ADAM15: variants seen among roughly 807,000 people sequenced by gnomAD.
The protein encoded by ADAM15 is disintegrin and metalloproteinase domain-containing protein 15.
Under a neutral mutation model 113.8 loss-of-function variants are expected in ADAM15, and 77 were observed. The ratio of observed to expected loss-of-function variants is 0.68; its 90% confidence interval spans 0.56 to 0.82. The LOEUF (loss-of-function observed/expected upper bound fraction) is 0.82. Among genes scored for constraint, ADAM15 ranks in the 40% least tolerant of loss-of-function variants. The probability of loss-of-function intolerance (pLI) is 0.00; values close to 1 mark genes in which losing one functional copy is unlikely to be tolerated. For synonymous variants in ADAM15, 388 were observed against 454.1 expected (o/e 0.85, Z 1.85); for missense variants, 963 against 1,120.1 (o/e 0.86, Z 2.00).
At position 155,062,327 on chromosome 1, in the gene ADAM15, C is replaced by T; in HGVS notation, c.2507C>T (p.Pro836Leu). The T allele has an allele frequency of 6.5e-7, 1 of 1,538,604 alleles. No individual in the cohort carries two copies. Among genetic ancestry groups the T allele is most frequent in the South Asian group, 1.2e-5 (1 of 81,414 alleles). The change falls in exon 22 of 23, where the codon CCC becomes CTC. Residue 836 changes from proline to leucine, a missense_variant. Physicochemically the swap from Pro to Leu is moderately conservative, Grantham distance 98 (BLOSUM62 -3). Coordinates refer to ENST00000356955, the MANE Select transcript of ADAM15 (RefSeq NM_207197.3). The surrounding 1 kb of genome is among the most constrained non-coding windows in gnomAD (Gnocchi z 7.0). ...PQGRCPSGDL[P>L]GPGAGIPPLV... ...GGCCGGTGCCCATCGGGTGACCTGC[C>T]CGGCCCAGGGGCTGGAATCCCGCCC...
intron 2 of ADAM15, 92 bp downstream of exon 2, chr1:155,052,869 G>C (rs904221541): frequency 2.0e-6 from 3 of 1,488,382 alleles, no homozygotes; most frequent in Non-Finnish European, 2.7e-6. Flanking sequence ...CTGAGGAGCT[G>C]GTGGGTAGAG....
intron 18 of ADAM15, 75 bp from the exon 19 acceptor site, chr1:155,060,688 A>C (rs1428162610): frequency 1.3e-6 from 2 of 1,495,888 alleles, no homozygotes; most frequent in Non-Finnish European, 1.9e-6. Context: ...GGTTAACCCC[A>C]CTCAGGGATG....
At chr1:155,059,496 G>T (rs982352890) in intron 16 of ADAM15, among the ~76,000 whole-genome samples, 1 of 152,280 alleles carries the variant, frequency 6.6e-6, no homozygotes, top group African/African-American at 2.4e-5. Context: ...AGGCCTGCTG[G>T]TGCACACCTA....
chr1:155,057,740 A>G lies in ADAM15; in HGVS notation c.1416+11A>G. 2 of 1,614,070 alleles carry G rather than the reference A, an allele frequency of 1.2e-6. No homozygotes were observed. The highest frequency in any genetic ancestry group is 2.2e-5 in the South Asian group (2 of 91,078). ...TGTCAAAATTGCCAGGTGGGTAGAG[A>G]CTAGACTGGCCACCCGGAGCTCACC... On this transcript the variant is annotated intron_variant, in intron 13 of 22. Coordinates refer to ENST00000356955, the MANE Select transcript of ADAM15 (RefSeq NM_207197.3). The surrounding 1 kb of genome is among the most constrained non-coding windows in gnomAD (Gnocchi z 5.0).
Position 155,059,899 on chromosome 1 carries a change from T to C in ADAM15, c.1996-3T>C. ...TCCTCATTGCTCGCCTTGTACCTCC[T>C]AGGTCTGTGACAGCAACAGGCACTG... On this transcript the variant is annotated splice_polypyrimidine_tract_variant and splice_region_variant and intron_variant, in intron 16 of 22. Transcript: ENST00000356955. The C allele has an allele frequency of 6.2e-7, 1 of 1,613,846 alleles. No homozygotes were observed. Among genetic ancestry groups the C allele is most frequent in the African/African-American group, 1.3e-5 (1 of 75,000 alleles).
At position 155,056,528 on chromosome 1, in the gene ADAM15, G is replaced by A. The variant is rs1661786273; in HGVS notation, c.999+58G>A. 1 of 1,544,992 alleles carries A rather than the reference G, an allele frequency of 6.5e-7. No individual in the cohort carries two copies. Among genetic ancestry groups the A allele is most frequent in the Non-Finnish European group, 8.9e-7 (1 of 1,122,310 alleles). ...AATTCAGTTCCTCCCAAGTGTGGTG[G>A]CATTTATGCACTGAAACCCCCCTAT... On this transcript the variant is annotated intron_variant, in intron 10 of 22. Transcript: ENST00000356955. This position sits in a 1 kb window ranked among gnomAD's most constrained non-coding sequence, Gnocchi z 4.0.
rs1661939332 is a variant in ADAM15, at chr1:155,057,539, G to A, written c.1324-98G>A. ...TTGGGCTCTAGCCCTCGCTTGCTGTGTAGCTTCTGGTCTTGGCCTGTGGGA... is the reference window on the plus strand; with the variant it reads ...TTGGGCTCTAGCCCTCGCTTGCTGTATAGCTTCTGGTCTTGGCCTGTGGGA... On this transcript the variant is annotated intron_variant, in intron 12 of 22. Transcript: ENST00000356955. This position sits in a 1 kb window ranked among gnomAD's most constrained non-coding sequence, Gnocchi z 5.0. The A allele has an allele frequency of 4.6e-6, 7 of 1,526,656 alleles. No individual in the cohort carries two copies. Among genetic ancestry groups the A allele is most frequent in the African/African-American group, 1.4e-5 (1 of 73,204 alleles). 94.6% of individuals were successfully genotyped at this position (1,526,656 alleles called of 1,614,324 possible). A position where few individuals can be genotyped will look rare whatever the true frequency, so the allele number is the denominator to read the frequency against.
chr1:155,060,484 C>T (rs1662422018), intron 18 of ADAM15, 141 bp downstream of exon 18: 2 of 1,221,956 alleles, frequency 1.6e-6, no homozygotes, highest in Middle Eastern at 2.1e-4. Flanking sequence ...TACCCCACAC[C>T]TCCCTTCCCT....
At position 155,057,772 on chromosome 1, in the gene ADAM15, G is replaced by A; in HGVS notation, c.1416+43G>A. The A allele has an allele frequency of 1.2e-6, 2 of 1,614,000 alleles. No homozygotes were observed. The highest frequency in any genetic ancestry group is 1.7e-6 in the Non-Finnish European group (2 of 1,179,870). The stretch of plus-strand genomic sequence containing the variant: ...TGGCCACCCGGAGCTCACCTGCCGG[G>A]GCCAAGGTGGAAAGGGTCATTCTGA... On this transcript the variant is annotated intron_variant, in intron 13 of 22. Coordinates refer to ENST00000356955, the MANE Select transcript of ADAM15 (RefSeq NM_207197.3). The surrounding 1 kb of genome is among the most constrained non-coding windows in gnomAD (Gnocchi z 5.0).
rs1418484552 is a variant in ADAM15 at position 155,057,024 on chromosome 1, C to T, written c.1071C>T (p.Asp357=). ...AHELGHSLGL[D]HDLPGNSCPC... The stretch of plus-strand genomic sequence containing the variant: ...AGTTGGGCCACAGCCTGGGCCTGGA[C>T]CATGATTTGCCTGGGAATAGCTGCC... The change falls in exon 11 of 23, where the codon GAC becomes GAT. Residue 357 remains aspartate (D), a synonymous_variant. Transcript: ENST00000356955. The surrounding 1 kb of genome is among the most constrained non-coding windows in gnomAD (Gnocchi z 5.0). 6.2e-7 allele frequency: 1 copy of T among 1,607,656 alleles called. No individual in the cohort carries two copies.
At position 155,062,604 on chromosome 1, in the gene ADAM15, CGGT is replaced by C; in HGVS notation, c.*104_*106del. 1 of 1,489,528 alleles carries C rather than the reference CGGT, an allele frequency of 6.7e-7. No homozygotes were observed. The highest frequency in any genetic ancestry group is 9.1e-7 in the Non-Finnish European group (1 of 1,094,666). 92.3% of individuals were successfully genotyped at this position (1,489,528 alleles called of 1,614,324 possible). A position where few individuals can be genotyped will look rare whatever the true frequency, so the allele number is the denominator to read the frequency against. On this transcript the variant is annotated 3_prime_UTR_variant, in exon 23 of 23. Transcript: ENST00000356955. The surrounding 1 kb of genome is among the most constrained non-coding windows in gnomAD (Gnocchi z 7.0). ...CATGACTGAAGGCGCCAGAGACTGG[CGGT>C]GTCTTAAGACTCCGGGCACCGCCAC...
chr1:155,061,472 G>T lies in ADAM15; in HGVS notation c.2335G>T (p.Val779Leu), dbSNP rs530220807. ...TTCCAGGCCGCTGCCGCCTGACCCTGTGTCCAAGAGACTCCAGGTAAATCT... is the reference window on the plus strand; with the variant it reads ...TTCCAGGCCGCTGCCGCCTGACCCTTTGTCCAAGAGACTCCAGGTAAATCT... Reference protein sequence around the residue: ...PPSRPLPPDPVSKRLQAELAD... With the variant: ...PPSRPLPPDPLSKRLQAELAD... Residue 779 changes from valine (V) to leucine (L), a missense_variant, in exon 20 of 23, where the codon GTG becomes TTG. Coordinates refer to ENST00000356955, the MANE Select transcript of ADAM15 (RefSeq NM_207197.3). 3.1e-6 allele frequency: 5 copies of T among 1,613,528 alleles called. No homozygotes were observed. Among genetic ancestry groups the T allele is most frequent in the Non-Finnish European group, 4.2e-6 (5 of 1,179,858 alleles).
chr1:155,054,009 C>T (rs1205086629), intron 4 of ADAM15, 21 bp downstream of exon 4: 3 of 1,613,772 alleles, frequency 1.9e-6, no homozygotes, highest in Non-Finnish European at 2.5e-6. Context: ...CCCTCTTGTG[C>T]CATTTTTGGC....
At chr1:155,053,123 C>A (rs1661318010) in intron 2 of ADAM15, among the ~76,000 whole-genome samples, 1 of 144,460 alleles carries the variant, frequency 6.9e-6, no homozygotes, top group Admixed American at 6.8e-5. Context: ...CCCCCCCCAC[C>A]CCATTCTAAA....
rs753288420 is a variant in ADAM15, at chr1:155,062,422, G to A, written c.2550-38G>A. On this transcript the variant is annotated intron_variant, in intron 22 of 22. Coordinates refer to ENST00000356955, the MANE Select transcript of ADAM15 (RefSeq NM_207197.3). This position sits in a 1 kb window ranked among gnomAD's most constrained non-coding sequence, Gnocchi z 7.0. ...CGGGGCGAGTGACCTGGGGGAAAGG[G>A]GCCTCTGACTCTTTTTTCTTGGCTT... 4 of 1,612,668 alleles carry A rather than the reference G, an allele frequency of 2.5e-6. No individual in the cohort carries two copies. The African/African-American group carries it at 5.3e-5, about 22-fold the overall frequency.
Position 155,058,565 on chromosome 1 carries a change from C to G in ADAM15, c.1917+124C>G. The G allele has an allele frequency of 6.5e-7, 1 of 1,549,538 alleles. No individual in the cohort carries two copies. The highest frequency in any genetic ancestry group is 8.7e-7 in the Non-Finnish European group (1 of 1,148,276). On this transcript the variant is annotated intron_variant, in intron 15 of 22. Coordinates refer to ENST00000356955, the MANE Select transcript of ADAM15 (RefSeq NM_207197.3). The surrounding 1 kb of genome is among the most constrained non-coding windows in gnomAD (Gnocchi z 4.3). Reference sequence around the variant, plus strand: ...GACTCCAAGGGAAGTCAGTTTCTTACTTCAGATGGAGCAAAGTCCTATCAA... The same window carrying G: ...GACTCCAAGGGAAGTCAGTTTCTTAGTTCAGATGGAGCAAAGTCCTATCAA...
chr1:155,055,026 G>A (rs1170268282), intron 6 of ADAM15, among the ~76,000 whole-genome samples: 2 of 152,046 alleles, frequency 1.3e-5, no homozygotes, highest in African/African-American at 4.8e-5. Context: ...CTCTCACTTG[G>A]TTATAGATAA....
chr1:155,051,622 G>A (rs1661031441), intron 1 of ADAM15, 157 bp downstream of exon 1: 1 of 627,644 alleles, frequency 1.6e-6, no homozygotes, highest in East Asian at 3.6e-5. Context: ...AGGGCCCGGT[G>A]ACTTGGCGAT....
rs981559816 is a variant in ADAM15 at position 155,061,577 on chromosome 1, G to A, written c.2352+88G>A. ...GTTCTCATCCCTGCTCCCTGCCAGTGGTGCTCTTCATTAGGTGATCGGGGT... is the reference window on the plus strand; with the variant it reads ...GTTCTCATCCCTGCTCCCTGCCAGTAGTGCTCTTCATTAGGTGATCGGGGT... On this transcript the variant is annotated intron_variant, in intron 20 of 22. Transcript: ENST00000356955. The A allele has an allele frequency of 2.9e-6, 4 of 1,398,480 alleles. No individual in the cohort carries two copies. In the Admixed American group the frequency reaches 5.7e-5, roughly 20 times the overall value. 86.6% of individuals were successfully genotyped at this position (1,398,480 alleles called of 1,614,324 possible).
Sources: allele counts gnomAD v4.1 joint callset (sites outside exome capture counted in the v4.1 genomes callset), GRCh38; gene constraint gnomAD v4.1.1; non-coding constraint Gnocchi (gnomAD v3.1); transcripts MANE v1.5; gene names NCBI Gene and HGNC (gene_info 2026-07-23, HGNC 2026-07-21).